KIAA1217: variants seen among roughly 807,000 people sequenced by gnomAD.
KIAA1217 encodes KIAA1217.
Under a neutral mutation model 163.9 loss-of-function variants are expected in KIAA1217, and 88 were observed. The ratio of observed to expected loss-of-function variants is 0.54; its 90% CI spans 0.45 to 0.64. The LOEUF (loss-of-function observed/expected upper bound fraction) is 0.64. Among genes scored for constraint, KIAA1217 ranks in the 30% least tolerant of loss-of-function variants. The pLI, the probability that KIAA1217 is intolerant of heterozygous loss-of-function variation, is 0.00. For synonymous variants in KIAA1217, 903 were observed against 923.1 expected (o/e 0.98, Z 0.39); for missense variants, 2,372 against 2,475.0 (o/e 0.96, Z 0.88).
At chr10:23,896,626 C>A (rs1841714803) in intron 1 of KIAA1217, among the ~76,000 whole-genome samples, 1 of 151,998 alleles carries the variant, frequency 6.6e-6, no homozygotes, top group African/African-American at 2.4e-5. Flanking sequence ...AAAACAAAAA[C>A]CTCATGTTTC....
intron 2 of KIAA1217, among the ~76,000 whole-genome samples, chr10:24,340,308 G>A (rs932610298): frequency 6.6e-6 from 1 of 152,138 alleles, no homozygotes; most frequent in African/African-American, 2.4e-5. Flanking sequence ...CATGGGGGCA[G>A]CTTCTCCCAT....
intron 2 of KIAA1217, among the ~76,000 whole-genome samples, chr10:24,011,170 T>C (rs1847221899): frequency 6.6e-6 from 1 of 152,076 alleles, no homozygotes. Flanking sequence ...CTCCAGAACA[T>C]TGGATAGGTA....
intron 1 of KIAA1217, among the ~76,000 whole-genome samples, chr10:23,860,007 T>C (rs1839878945): frequency 6.6e-6 from 1 of 152,014 alleles, no homozygotes; most frequent in South Asian, 2.1e-4. Flanking sequence ...GCAGCAACAA[T>C]GCTGACATAG....
intron 2 of KIAA1217, among the ~76,000 whole-genome samples, chr10:24,090,934 T>C (rs892493538): frequency 2.6e-5 from 4 of 151,878 alleles, no homozygotes; most frequent in Non-Finnish European, 5.9e-5. Flanking sequence ...ACAGCCCAAC[T>C]CACCATCGGC....
At position 23,897,826 on chromosome 10, in the gene KIAA1217, A is replaced by ATATTTATATTTTT. The variant is rs562317146; in HGVS notation, c.-320-109396_-320-109395insTTATATTTTTTAT. Reference sequence around the variant, plus strand: ...TTATATAAAATGTAAATCTTCCTAAATATAAAAAAGGATTTAAATGTCTAT... The same window carrying ATATTTATATTTTT: ...TTATATAAAATGTAAATCTTCCTAAATATTTATATTTTTTATAAAAAAGGATTTAAATGTCTAT... On this transcript the variant is annotated intron_variant, in intron 1 of 18. Coordinates refer to the KIAA1217 transcript ENST00000376462. 6.2e-3 allele frequency among the ~76,000 whole-genome samples: 937 copies of ATATTTATATTTTT among 152,262 alleles called. 11 individuals are homozygous for ATATTTATATTTTT. Among genetic ancestry groups the ATATTTATATTTTT allele is most frequent in the African/African-American group, 0.021 (883 of 41,576 alleles).
chr10:24,189,273 G>A (rs899983705), intron 2 of KIAA1217, among the ~76,000 whole-genome samples: 2 of 152,012 alleles, frequency 1.3e-5, no homozygotes, highest in African/African-American at 4.8e-5. Context: ...CAAAATAGCT[G>A]TTGCTACTGT....
intron 2 of KIAA1217, among the ~76,000 whole-genome samples, chr10:24,288,514 C>A (rs1399412253): frequency 6.6e-6 from 1 of 152,224 alleles, no homozygotes; most frequent in African/African-American, 2.4e-5. Context: ...GTTCCATTAA[C>A]CTGTCCTCAA....
intron 3 of KIAA1217, among the ~76,000 whole-genome samples, chr10:24,425,675 T>G (rs1321290595): frequency 6.6e-6 from 1 of 152,234 alleles, no homozygotes; most frequent in Non-Finnish European, 1.5e-5. Flanking sequence ...TCCCTCACCT[T>G]ATATTATTCC....
chr10:23,859,645 G>A (rs1157259474), intron 1 of KIAA1217, among the ~76,000 whole-genome samples: 2 of 152,036 alleles, frequency 1.3e-5, no homozygotes, highest in African/African-American at 4.8e-5. Flanking sequence ...ATTTAAATAC[G>A]AACTTTGTTA....
In KIAA1217 at chr10:24,361,718, G is replaced by A. The variant is rs2050027093; in HGVS notation, c.355-19151G>A. Among the ~76,000 whole-genome samples, 3 of 152,078 alleles carry A rather than the reference G, an allele frequency of 2.0e-5. No individual in the cohort carries two copies. In the South Asian group the frequency reaches 6.2e-4, roughly 32 times the overall value. ...GGGCCAGGGGCGATGGCTCACGCCT[G>A]TAATCCCAGCCCTTTGGGAGGCCGA... On this transcript the variant is annotated intron_variant, in intron 2 of 20. Coordinates refer to ENST00000376454, the MANE Select transcript of KIAA1217 (RefSeq NM_019590.5).
chr10:23,818,271 AAT>A (rs1232622050), intron 1 of KIAA1217, among the ~76,000 whole-genome samples: 1 of 143,432 alleles, frequency 7.0e-6, no homozygotes, highest in African/African-American at 2.5e-5. Context: ...TGTAATATAT[AAT>A]ATGTTATATA....
At chr10:24,265,134 G>A (rs868246927) in intron 2 of KIAA1217, among the ~76,000 whole-genome samples, 1 of 152,284 alleles carries the variant, frequency 6.6e-6, no homozygotes, top group African/African-American at 2.4e-5. Flanking sequence ...AAAGTGATGA[G>A]TGCTAAGATT....
chr10:23,849,564 G>A (rs778320818), intron 1 of KIAA1217, among the ~76,000 whole-genome samples: 21 of 151,960 alleles, frequency 1.4e-4, no homozygotes, highest in Non-Finnish European at 2.4e-4. Context: ...GCTGAGCTTC[G>A]CATCTCACTC....
intron 2 of KIAA1217, among the ~76,000 whole-genome samples, chr10:24,334,011 G>A (rs1156257255): frequency 1.3e-5 from 2 of 152,188 alleles, no homozygotes; most frequent in Non-Finnish European, 2.9e-5. Context: ...TTTAAAAGAA[G>A]AGAGTATGAC....
chr10:24,357,867 T>C (rs1004000773), intron 2 of KIAA1217, among the ~76,000 whole-genome samples: 1 of 152,030 alleles, frequency 6.6e-6, no homozygotes, highest in Non-Finnish European at 1.5e-5. Flanking sequence ...TGGAAGTGAG[T>C]CCCAGCAGGT....
chr10:23,725,681 T>C (rs1426012227), intron 1 of KIAA1217, among the ~76,000 whole-genome samples: 1 of 152,246 alleles, frequency 6.6e-6, no homozygotes, highest in African/African-American at 2.4e-5. Flanking sequence ...CAGTGAATTC[T>C]TTGGCTCAGA....
At chr10:24,173,526 G>A (rs569530640) in intron 2 of KIAA1217, among the ~76,000 whole-genome samples, 1 of 152,232 alleles carries the variant, frequency 6.6e-6, no homozygotes, top group African/African-American at 2.4e-5. Flanking sequence ...GGGGACCTCT[G>A]CTCTAAAGTT....
chr10:24,253,498 G>T (rs1138000), intron 2 of KIAA1217, among the ~76,000 whole-genome samples: 110,114 of 152,010 alleles, frequency 0.72, 40,093 homozygotes, highest in Admixed American at 0.79. Context: ...CCAAATGCTG[G>T]TATTTCTGTT....
chr10:24,481,094 A>G (rs941532077), intron 6 of KIAA1217: 14 of 152,138 alleles, frequency 9.2e-5, no homozygotes, highest in African/African-American at 3.4e-4. Context: ...TTGCTTTTTC[A>G]TGTAGCTGTA....
Sources: allele counts gnomAD v4.1 joint callset (sites outside exome capture counted in the v4.1 genomes callset), GRCh38; gene constraint gnomAD v4.1.1; transcripts MANE v1.5; gene names NCBI Gene and HGNC (gene_info 2026-07-23, HGNC 2026-07-21).